LITAF: variants seen among roughly 807,000 people sequenced by gnomAD.
LITAF encodes the protein lipopolysaccharide induced TNF factor.
A neutral mutation model predicts 14.5 loss-of-function variants in LITAF; 9 were observed. The observed-to-expected ratio is 0.62, with a 90% CI of 0.37 to 1.08. The LOEUF is 1.08. LITAF is among the 50% of genes least tolerant of loss of function. LITAF has a pLI of 0.01. For synonymous variants in LITAF, 98 were observed against 88.2 expected (o/e 1.11, Z -0.62); for missense variants, 206 against 213.4 (o/e 0.97, Z 0.22).
upstream of LITAF, among the ~76,000 whole-genome samples, chr16:11,601,115 C>T (rs2064923804): frequency 6.6e-6 from 1 of 151,708 alleles, no homozygotes; most frequent in East Asian, 1.9e-4. Context: ...ATTCTCCATC[C>T]CCCCACCCTC....
In LITAF at chr16:11,548,766, A is replaced by T. The variant is rs766189439; in HGVS notation, c.*871T>A. On this transcript the variant is annotated 3_prime_UTR_variant, in exon 4 of 4. Coordinates refer to ENST00000622633, the MANE Select transcript of LITAF (RefSeq NM_001136472.2). ...CAAGGCAGAAGGATCGCTTGAGCCC[A>T]GGAGTTCGACACCAGCCTGGGCAAC... is the stretch of plus-strand genomic sequence containing the variant. The T allele has an allele frequency of 1.5e-5, 7 of 453,524 alleles. No homozygotes were observed. Among genetic ancestry groups the T allele is most frequent in the South Asian group, 1.1e-4 (7 of 64,266 alleles). The allele number at this position is 453,524 out of a possible 1,614,324, so 28.1% of individuals were successfully genotyped here. A position where few individuals can be genotyped will look rare whatever the true frequency, so the allele number is the denominator to read the frequency against.
intron 3 of LITAF, among the ~76,000 whole-genome samples, chr16:11,608,327 C>G (rs145552336): frequency 1.1e-4 from 17 of 152,302 alleles, no homozygotes; most frequent in African/African-American, 4.1e-4. Context: ...GTAGCTGGAT[C>G]ATGGGGAACA....
At chr16:11,610,932 T>C (rs1040589903) in intron 3 of LITAF, among the ~76,000 whole-genome samples, 1 of 152,010 alleles carries the variant, frequency 6.6e-6, no homozygotes, top group Non-Finnish European at 1.5e-5. Flanking sequence ...TCAGTCCTAA[T>C]TGAAACACTT....
intron 3 of LITAF, among the ~76,000 whole-genome samples, chr16:11,609,621 A>G (rs2064972264): frequency 6.6e-6 from 1 of 152,224 alleles, no homozygotes; most frequent in Non-Finnish European, 1.5e-5. Flanking sequence ...TTCAGGCTGC[A>G]GGACTGGCTG....
At chr16:11,617,520 G>A (rs1003544577) in intron 3 of LITAF, among the ~76,000 whole-genome samples, 5 of 138,436 alleles carry the variant, frequency 3.6e-5, no homozygotes, top group African/African-American at 7.7e-5. Context: ...TCTGCCTCCC[G>A]GGTTCAAGGG....
intron 1 of LITAF, among the ~76,000 whole-genome samples, chr16:11,571,461 G>C (rs542794523): frequency 6.6e-6 from 1 of 152,298 alleles, no homozygotes; most frequent in East Asian, 1.9e-4. Flanking sequence ...ACTGAGTTCA[G>C]GGTAATGAGT....
At chr16:11,607,983 T>A (rs2141873982) in intron 3 of LITAF, among the ~76,000 whole-genome samples, 1 of 152,280 alleles carries the variant, frequency 6.6e-6, no homozygotes, top group East Asian at 1.9e-4. Context: ...GAAGGCAGGA[T>A]CATTATGGTT....
chr16:11,606,538 A>G (rs1294010741), intron 3 of LITAF, among the ~76,000 whole-genome samples: 1 of 152,152 alleles, frequency 6.6e-6, no homozygotes, highest in East Asian at 1.9e-4. Context: ...CTTACTGCTG[A>G]TATTAATTTT....
chr16:11,574,018 TTTG>T (rs1555469427), intron 1 of LITAF, among the ~76,000 whole-genome samples: 1 of 148,230 alleles, frequency 6.7e-6, no homozygotes, highest in Non-Finnish European at 1.5e-5. Context: ...TGGTTTTTTT[TTTG>T]TTGTTGTTTT....
At chr16:11,556,350 G>T in intron 2 of LITAF, 161 bp downstream of exon 2, 1 of 626,536 alleles carries the variant, frequency 1.6e-6, no homozygotes, top group South Asian at 2.1e-5. Flanking sequence ...CACCAACATG[G>T]AATCTAAAAG....
chr16:11,602,895 G>C (rs1440271762), upstream of LITAF, among the ~76,000 whole-genome samples: 2 of 152,010 alleles, frequency 1.3e-5, no homozygotes, highest in Non-Finnish European at 2.9e-5. Context: ...AGGATTGCTC[G>C]AGGCCAGGAG....
chr16:11,618,651 G>C (rs1348077807), intron 3 of LITAF, among the ~76,000 whole-genome samples: 1 of 152,136 alleles, frequency 6.6e-6, no homozygotes, highest in African/African-American at 2.4e-5. Flanking sequence ...GAGCATTTCT[G>C]GGGGTGGGGA....
upstream of LITAF, among the ~76,000 whole-genome samples, chr16:11,640,084 C>T (rs746134938): frequency 2.6e-5 from 4 of 152,100 alleles, no homozygotes; most frequent in East Asian, 1.9e-4. Flanking sequence ...AACAATGTGT[C>T]GATGTGGATA....
chr16:11,622,963 TATATATATA>T (rs1322401453), intron 3 of LITAF, among the ~76,000 whole-genome samples: 1 of 149,652 alleles, frequency 6.7e-6, no homozygotes, highest in Non-Finnish European at 1.5e-5. Context: ...TATATATATA[TATATATATA>T]ATTTTTTTTT....
rs138296050 is a variant in LITAF, at chr16:11,547,778, C to T, written c.*1859G>A. On this transcript the variant is annotated 3_prime_UTR_variant, in exon 4 of 4. Transcript: ENST00000622633. ...AGCTATGGCTTGCCGCCATCAATGA[C>T]GCCTATTGGGTTCCAATAGCCTCAT... 1.1e-4 allele frequency: 48 copies of T among 454,098 alleles called. No individual in the cohort carries two copies. Among genetic ancestry groups the T allele is most frequent in the African/African-American group, 8.4e-4 (42 of 50,120 alleles). The allele number at this position is 454,098 out of a possible 1,614,324, so 28.1% of individuals were successfully genotyped here.
chr16:11,637,655 G>A (rs2065143224), upstream of LITAF, among the ~76,000 whole-genome samples: 3 of 152,052 alleles, frequency 2.0e-5, no homozygotes, highest in Admixed American at 2.0e-4. Flanking sequence ...GCTGAGGTGG[G>A]AGGATCACTT....
chr16:11,596,818 G>A (rs1233872133), intron 1 of LITAF, among the ~76,000 whole-genome samples: 1 of 142,284 alleles, frequency 7.0e-6, no homozygotes, highest in Admixed American at 7.0e-5. Flanking sequence ...GGAAAGAAGA[G>A]GGGGAGGAGG....
intron 1 of LITAF, among the ~76,000 whole-genome samples, chr16:11,578,330 G>T (rs1001454385): frequency 6.6e-6 from 1 of 152,184 alleles, no homozygotes; most frequent in Non-Finnish European, 1.5e-5. Flanking sequence ...GGCCAAGGCG[G>T]GTGGATCACC....
At chr16:11,602,935 A>T (rs1166504746), upstream of LITAF, among the ~76,000 whole-genome samples, 1 of 151,822 alleles carries the variant, frequency 6.6e-6, no homozygotes, top group Non-Finnish European at 1.5e-5. Context: ...ACCCAGCGAG[A>T]CCCCATCTCT....
Sources: gnomAD v4.1 joint callset for allele counts (sites outside exome capture counted in the v4.1 genomes callset) on GRCh38, gnomAD v4.1.1 for gene constraint, MANE v1.5 for transcripts, NCBI Gene and HGNC (gene_info 2026-07-23, HGNC 2026-07-21) for gene names.